The following GPT2 variants were observed in gnomAD, a reference collection of about 807,000 sequenced individuals.
The protein encoded by GPT2 is glutamic--pyruvic transaminase 2.
Under a neutral mutation model 56.9 loss-of-function variants are expected in GPT2, and 30 were observed. The ratio of observed to expected loss-of-function variants is 0.53; its 90% CI spans 0.39 to 0.72. The LOEUF (loss-of-function observed/expected upper bound fraction) is 0.72. GPT2 is among the 30% of genes least tolerant of loss of function. The pLI, the probability that GPT2 is intolerant of heterozygous loss-of-function variation, is 0.00. For synonymous variants in GPT2, 271 were observed against 283.1 expected (o/e 0.96, Z 0.43); for missense variants, 542 against 703.4 (o/e 0.77, Z 2.60).
At chr16:46,919,039 T>A (rs1961228562) in intron 8 of GPT2, among the ~76,000 whole-genome samples, 1 of 152,198 alleles carries the variant, frequency 6.6e-6, no homozygotes, top group Non-Finnish European at 1.5e-5. Context: ...CTGTCACTTG[T>A]TCCGAGGTTG....
At chr16:46,903,602 C>T (rs1478751526) in intron 4 of GPT2, among the ~76,000 whole-genome samples, 1 of 152,192 alleles carries the variant, frequency 6.6e-6, no homozygotes, top group African/African-American at 2.4e-5. Flanking sequence ...CCACCACACC[C>T]AGCAACTTCA....
At chr16:46,884,984 G>A in intron 2 of GPT2, 26 bp downstream of exon 2, 1 of 1,446,356 alleles carries the variant, frequency 6.9e-7, no homozygotes, top group Non-Finnish European at 9.2e-7. Context: ...GCCCCGGGGA[G>A]GCTGGGGCCG....
At chr16:46,911,344 A>G (rs1961043486) in intron 6 of GPT2, among the ~76,000 whole-genome samples, 1 of 152,072 alleles carries the variant, frequency 6.6e-6, no homozygotes, top group Non-Finnish European at 1.5e-5. Context: ...CAGGGCCAAA[A>G]TGCATTGGAG....
intron 5 of GPT2, among the ~76,000 whole-genome samples, chr16:46,909,177 G>C (rs2143471102): frequency 6.6e-6 from 1 of 152,286 alleles, no homozygotes; most frequent in East Asian, 1.9e-4. Context: ...CCCCACCCCT[G>C]ACATAGGGAA....
At chr16:46,928,610 C>T (rs1412549115) in intron 11 of GPT2, among the ~76,000 whole-genome samples, 2 of 150,188 alleles carry the variant, frequency 1.3e-5, no homozygotes, top group African/African-American at 4.9e-5. Flanking sequence ...GAGCAAAATT[C>T]CATCTCAAAA....
intron 8 of GPT2, 59 bp downstream of exon 8, chr16:46,918,816 GCTC>G: frequency 6.3e-7 from 1 of 1,596,120 alleles, no homozygotes; most frequent in Non-Finnish European, 8.5e-7. Context: ...CACGCTGCCG[GCTC>G]CTCTGCCCTG....
At chr16:46,907,618 G>A (rs952896719) in intron 5 of GPT2, among the ~76,000 whole-genome samples, 2 of 152,194 alleles carry the variant, frequency 1.3e-5, no homozygotes, top group Admixed American at 1.3e-4. Context: ...GGAGATGCTG[G>A]GGGATGAGTG....
At chr16:46,902,151 A>C (rs541038857) in intron 4 of GPT2, among the ~76,000 whole-genome samples, 5 of 152,160 alleles carry the variant, frequency 3.3e-5, no homozygotes, top group African/African-American at 1.2e-4. Context: ...GGTTTTTGCA[A>C]CTTCGTGTGA....
rs1424710904 is a variant in GPT2 at position 46,927,754 on chromosome 16, T to G, written c.1481+717T>G. Among the ~76,000 whole-genome samples the G allele has an allele frequency of 2.0e-5, 3 of 151,998 alleles. No homozygotes were observed. The South Asian group carries it at 6.2e-4, about 32-fold the overall frequency. On this transcript the variant is annotated intron_variant, in intron 11 of 11. Coordinates refer to ENST00000340124, the MANE Select transcript of GPT2 (RefSeq NM_133443.4). ...CCCCTGATGGACAAACCTTGTCCGG[T>G]TGGCCTTCCCACCCCTGGTCAGGCT...
intron 4 of GPT2, among the ~76,000 whole-genome samples, chr16:46,901,704 G>A (rs973790324): frequency 1.1e-4 from 17 of 151,752 alleles, no homozygotes; most frequent in African/African-American, 3.9e-4. Context: ...TCCATCTCCC[G>A]CCACCCCCGC....
chr16:46,915,827 C>T (rs1352109965), intron 6 of GPT2: 2 of 148,980 alleles, frequency 1.3e-5, no homozygotes, highest in East Asian at 4.0e-4. Flanking sequence ...ACCCCCATCA[C>T]ACCTACACAC....
intron 10 of GPT2, 50 bp downstream of exon 10, chr16:46,924,594 T>A: frequency 6.2e-7 from 1 of 1,601,254 alleles, no homozygotes; most frequent in Non-Finnish European, 8.5e-7. Context: ...TCACCTGAGA[T>A]GCTGGGTTGG....
At chr16:46,917,989 C>T (rs1961204301) in intron 7 of GPT2, among the ~76,000 whole-genome samples, 1 of 152,136 alleles carries the variant, frequency 6.6e-6, no homozygotes. Flanking sequence ...CGACTGATCC[C>T]CAGGGCCCCA....
At chr16:46,909,149 A>G (rs931547705) in intron 5 of GPT2, among the ~76,000 whole-genome samples, 9 of 152,096 alleles carry the variant, frequency 5.9e-5, no homozygotes, top group Admixed American at 1.3e-4. Flanking sequence ...ACTAATACTG[A>G]TAACACACAT....
chr16:46,897,302 G>A (rs1960702219), intron 2 of GPT2, among the ~76,000 whole-genome samples: 1 of 152,128 alleles, frequency 6.6e-6, no homozygotes, highest in Non-Finnish European at 1.5e-5. Context: ...GAACCCAGGA[G>A]GTAGAGGTTG....
intron 11 of GPT2, 47 bp downstream of exon 11, chr16:46,927,084 G>A (rs1258580891): frequency 9.9e-6 from 12 of 1,210,466 alleles, no homozygotes; most frequent in Non-Finnish European, 1.4e-5. Context: ...TCTTGTCCAG[G>A]GAAATGTGGA....
intron 6 of GPT2, among the ~76,000 whole-genome samples, chr16:46,914,600 C>T (rs145677911): frequency 2.0e-5 from 3 of 152,336 alleles, no homozygotes; most frequent in African/African-American, 4.8e-5. Context: ...AGTCCTGCAG[C>T]GTGCTCATCT....
chr16:46,898,410 A>G (rs1247298320), intron 3 of GPT2, among the ~76,000 whole-genome samples: 3 of 151,916 alleles, frequency 2.0e-5, no homozygotes, highest in Non-Finnish European at 2.9e-5. Flanking sequence ...CTGGGCCGGG[A>G]TTGTGGGATT....
chr16:46,902,949 CT>C (rs1270848989), intron 4 of GPT2, among the ~76,000 whole-genome samples: 17 of 151,904 alleles, frequency 1.1e-4, no homozygotes, highest in African/African-American at 4.1e-4. Context: ...TTATCATACC[CT>C]TTAAAATTAT....
Sources: allele counts gnomAD v4.1 joint callset (sites outside exome capture counted in the v4.1 genomes callset), GRCh38; gene constraint gnomAD v4.1.1; transcripts MANE v1.5; gene names NCBI Gene and HGNC (gene_info 2026-07-23, HGNC 2026-07-21).